The following ACSM1 variants were observed in gnomAD, a reference collection of about 807,000 sequenced individuals.
The protein encoded by ACSM1 is acyl-coenzyme A synthetase ACSM1, mitochondrial.
A neutral mutation model predicts 75.8 loss-of-function variants in ACSM1; 79 were observed. The observed-to-expected ratio is 1.04, with a 90% CI of 0.87 to 1.26. The LOEUF (loss-of-function observed/expected upper bound fraction) is 1.26, where lower values mean the gene tolerates loss of function less well. Ranked by LOEUF, ACSM1 falls within the 50% of genes most tolerant of loss-of-function variation. ACSM1 has a pLI of 0.00. For missense variants in ACSM1, 676 were observed against 720.1 expected (o/e 0.94, Z 0.70); for synonymous variants, 279 against 265.8 (o/e 1.05, Z -0.48).
chr16:20,631,141 A>G (rs163245), intron 10 of ACSM1, among the ~76,000 whole-genome samples: 72,339 of 152,024 alleles, frequency 0.48, 20,151 homozygotes, highest in East Asian at 0.86. Context: ...AGCTCTGGAG[A>G]CTGGGAATGC....
intron 4 of ACSM1, among the ~76,000 whole-genome samples, chr16:20,675,847 A>G (rs1325545709): frequency 2.0e-5 from 3 of 152,260 alleles, no homozygotes; most frequent in Non-Finnish European, 4.4e-5. Context: ...TCACACCCAG[A>G]GAAACCAGCT....
intron 10 of ACSM1, among the ~76,000 whole-genome samples, chr16:20,631,858 T>C (rs910705606): frequency 6.6e-5 from 10 of 152,152 alleles, no homozygotes; most frequent in Non-Finnish European, 1.5e-4. Context: ...CTTTGGGGAC[T>C]AGAGGGCAAA....
chr16:20,697,178 T>A (rs955776924), intron 1 of ACSM1, among the ~76,000 whole-genome samples: 1 of 152,152 alleles, frequency 6.6e-6, no homozygotes, highest in Non-Finnish European at 1.5e-5. Flanking sequence ...GCTACAGTCA[T>A]CCTCCTGCCT....
At chr16:20,658,660 A>G (rs935821587) in intron 7 of ACSM1, among the ~76,000 whole-genome samples, 1 of 152,184 alleles carries the variant, frequency 6.6e-6, no homozygotes, top group African/African-American at 2.4e-5. Flanking sequence ...AAATACCAGT[A>G]TATGGTGCAA....
At chr16:20,627,139 G>T (rs1673070) in intron 11 of ACSM1, 50 bp downstream of exon 11, 2 of 1,475,222 alleles carry the variant, frequency 1.4e-6, no homozygotes, top group East Asian at 2.7e-5. Flanking sequence ...GCAAAATTCC[G>T]TGAGGCATGT....
intron 2 of ACSM1, among the ~76,000 whole-genome samples, chr16:20,685,774 T>G (rs2079537105): frequency 7.3e-6 from 1 of 137,608 alleles, no homozygotes; most frequent in South Asian, 2.3e-4. Context: ...GAGCCAAGAT[T>G]GCACCATTGC....
At chr16:20,669,042 G>A (rs113579961) in intron 6 of ACSM1, among the ~76,000 whole-genome samples, 2 of 152,150 alleles carry the variant, frequency 1.3e-5, no homozygotes, top group African/African-American at 2.4e-5. Flanking sequence ...AGAGGTGGAG[G>A]GCAAGGTCTG....
At chr16:20,637,086 A>G in intron 9 of ACSM1, 1 of 753,152 alleles carries the variant, frequency 1.3e-6, no homozygotes, top group South Asian at 1.4e-5. Flanking sequence ...AGTGATCAAA[A>G]AAAATGAAAA....
intron 7 of ACSM1, among the ~76,000 whole-genome samples, chr16:20,653,746 A>G (rs2018781121): frequency 6.6e-6 from 1 of 152,204 alleles, no homozygotes; most frequent in Admixed American, 6.5e-5. Context: ...TGCTCAACAA[A>G]ATAAAAGAGG....
At chr16:20,626,743 TA>T (rs2016946988) in intron 11 of ACSM1, among the ~76,000 whole-genome samples, 2 of 151,890 alleles carry the variant, frequency 1.3e-5, no homozygotes, top group Admixed American at 1.3e-4. Context: ...ATAATAGATT[TA>T]TTATGCTCAT....
chr16:20,644,952 C>G (rs982597044), intron 7 of ACSM1, among the ~76,000 whole-genome samples: 14 of 152,182 alleles, frequency 9.2e-5, no homozygotes, highest in Admixed American at 7.8e-4. Context: ...ATAAATTACT[C>G]TATCTCAATC....
chr16:20,695,874 T>C (rs758241575), intron 1 of ACSM1, among the ~76,000 whole-genome samples: 1 of 152,222 alleles, frequency 6.6e-6, no homozygotes, highest in African/African-American at 2.4e-5. Context: ...TATCTGTGTA[T>C]ATCTATACAT....
intron 6 of ACSM1, among the ~76,000 whole-genome samples, chr16:20,664,911 G>T (rs565549295): frequency 6.6e-6 from 1 of 152,126 alleles, no homozygotes; most frequent in Admixed American, 6.5e-5. Context: ...ACTCTTGGGT[G>T]AACAAGAAGT....
intron 2 of ACSM1, among the ~76,000 whole-genome samples, chr16:20,686,890 C>T (rs1373741644): frequency 6.6e-6 from 1 of 151,258 alleles, no homozygotes; most frequent in East Asian, 1.9e-4. Context: ...AAGAAGACAT[C>T]ATGTTGTACA....
At chr16:20,642,070 A>G (rs1195680735) in intron 7 of ACSM1, among the ~76,000 whole-genome samples, 1 of 152,190 alleles carries the variant, frequency 6.6e-6, no homozygotes. Context: ...ACAAGGGACT[A>G]TGGAGTTGGA....
At chr16:20,625,087 C>T (rs185899455) in intron 12 of ACSM1, among the ~76,000 whole-genome samples, 8 of 152,270 alleles carry the variant, frequency 5.3e-5, no homozygotes, top group Non-Finnish European at 1.2e-4. Flanking sequence ...TGCCATTCTG[C>T]CTCCACCCCT....
intron 10 of ACSM1, among the ~76,000 whole-genome samples, chr16:20,627,824 ATCTCTCTCTCTCTCTCTCTC>A (rs68102086): frequency 5.0e-5 from 5 of 99,126 alleles, no homozygotes; most frequent in East Asian, 7.5e-4. Context: ...GTGAGACTTC[ATCTCTCTCTCTCTCTCTCTC>A]TCTCTCTCTC....
At chr16:20,627,430 G>T in intron 10 of ACSM1, 114 bp from the exon 11 acceptor site, 1 of 1,271,228 alleles carries the variant, frequency 7.9e-7, no homozygotes, top group Non-Finnish European at 1.0e-6. Flanking sequence ...TCGGTACCTG[G>T]GCAAGTTTTG....
At chr16:20,643,772 T>C (rs901109515) in intron 7 of ACSM1, among the ~76,000 whole-genome samples, 1 of 152,184 alleles carries the variant, frequency 6.6e-6, no homozygotes, top group African/African-American at 2.4e-5. Flanking sequence ...TACAATCCTT[T>C]AGCTAGACAG....
Sources: allele counts gnomAD v4.1 joint callset (sites outside exome capture counted in the v4.1 genomes callset), GRCh38; gene constraint gnomAD v4.1.1; transcripts MANE v1.5; gene names NCBI Gene and HGNC (gene_info 2026-07-23, HGNC 2026-07-21).